The following ASS1 variants were observed in gnomAD, a reference collection of about 807,000 sequenced individuals.
ASS1 encodes argininosuccinate synthase 1.
A neutral mutation model predicts 60.5 loss-of-function variants in ASS1; 58 were observed. That is an observed-to-expected ratio of 0.96 (90% CI 0.78 to 1.19). The LOEUF (loss-of-function observed/expected upper bound fraction) is 1.19, where lower values mean the gene tolerates loss of function less well. Ranked by LOEUF, ASS1 falls within the 50% of genes most tolerant of loss-of-function variation. The probability of loss-of-function intolerance (pLI) is 0.00; values close to 1 mark genes in which losing one functional copy is unlikely to be tolerated. For missense variants in ASS1, 454 were observed against 547.3 expected, an observed-to-expected ratio of 0.83 and a Z score of 1.70; for synonymous variants, 200 against 206.9, an observed-to-expected ratio of 0.97 and a Z score of 0.29.
intron 6 of ASS1, among the ~76,000 whole-genome samples, chr9:130,468,421 T>A (rs945897232): frequency 2.4e-4 from 36 of 151,680 alleles, no homozygotes; most frequent in Non-Finnish European, 3.4e-4. Flanking sequence ...TAAAAAAAAA[T>A]TTTTTTTAGA....
rs1564160641 is a variant in ASS1 at position 130,489,696 on chromosome 9, G to A, written c.970+232G>A. On this transcript the variant is annotated intron_variant, in intron 12 of 14. Coordinates refer to ENST00000352480, the MANE Select transcript of ASS1 (RefSeq NM_054012.4). This position sits in a 1 kb window ranked among gnomAD's most constrained non-coding sequence, Gnocchi z 4.1. Reference sequence around the variant, plus strand: ...CCTGCCTTGCCATGGGGTGTGTCCAGGGAGATGCACCGGCTTCCCAAGGTG... The same window carrying A: ...CCTGCCTTGCCATGGGGTGTGTCCAAGGAGATGCACCGGCTTCCCAAGGTG... 6.6e-6 allele frequency among the ~76,000 whole-genome samples: 1 copy of A among 152,208 alleles called. No individual in the cohort carries two copies. Among genetic ancestry groups the A allele is most frequent in the Non-Finnish European group, 1.5e-5 (1 of 68,018 alleles).
intron 13 of ASS1, among the ~76,000 whole-genome samples, chr9:130,496,200 C>T (rs1425752318): frequency 1.3e-5 from 2 of 152,026 alleles, no homozygotes; most frequent in East Asian, 1.9e-4. Flanking sequence ...GCAGGAGGAT[C>T]GCTTGAGGCC....
rs1372174787 is a variant in ASS1 at position 130,470,959 on chromosome 9, G to A, written c.566+55G>A. 1.9e-6 allele frequency: 3 copies of A among 1,574,594 alleles called. No individual in the cohort carries two copies. The highest frequency in any genetic ancestry group is 2.6e-6 in the Non-Finnish European group (3 of 1,145,442). On this transcript the variant is annotated intron_variant, in intron 7 of 14. Coordinates refer to ENST00000352480, the MANE Select transcript of ASS1 (RefSeq NM_054012.4). The surrounding 1 kb of genome is among the most constrained non-coding windows in gnomAD (Gnocchi z 4.3). The stretch of plus-strand genomic sequence containing the variant: ...CCTCCCGGGCTCATTCCAAAGGACG[G>A]CCACGCGCTGCCCCAGGACGTCCTG...
chr9:130,479,258 C>T (rs917150258), intron 9 of ASS1, among the ~76,000 whole-genome samples: 5 of 151,948 alleles, frequency 3.3e-5, no homozygotes, highest in Non-Finnish European at 5.9e-5. Context: ...GCGCGGGGTC[C>T]GCCTGACAGA....
intron 11 of ASS1, among the ~76,000 whole-genome samples, chr9:130,482,736 G>T (rs1414455694): frequency 2.0e-5 from 3 of 152,192 alleles, no homozygotes; most frequent in Non-Finnish European, 4.4e-5. Context: ...CCCCGTAGAA[G>T]GTCAAAGCCA....
chr9:130,466,858 G>T, intron 6 of ASS1, 59 bp downstream of exon 6: 3 of 1,574,844 alleles, frequency 1.9e-6, no homozygotes, highest in East Asian at 4.5e-5. Context: ...TCCCGGGCAC[G>T]TCCCTGCTGG....
chr9:130,453,167 C>T (rs892779223), intron 2 of ASS1, among the ~76,000 whole-genome samples: 1 of 152,202 alleles, frequency 6.6e-6, no homozygotes, highest in Non-Finnish European at 1.5e-5. Flanking sequence ...GGAGGGCTTA[C>T]CCCCAGTAGG....
rs776838782 is a variant in ASS1 at position 130,484,666 on chromosome 9, C to T, written c.838+4217C>T. Among the ~76,000 whole-genome samples the T allele has an allele frequency of 3.4e-4, 51 of 152,088 alleles. 1 individual carries two copies. Among genetic ancestry groups the T allele is most frequent in the Middle Eastern group, 3.4e-3 (1 of 294 alleles). On this transcript the variant is annotated intron_variant, in intron 11 of 14. Coordinates refer to ENST00000352480, the MANE Select transcript of ASS1 (RefSeq NM_054012.4). ...TCTCTCTGCGCAGTGGTTTGTATGC[C>T]GACTGTCAAAAGCCCCAAATTCATA...
At chr9:130,451,936 T>C in intron 1 of ASS1, 1 of 586,106 alleles carries the variant, frequency 1.7e-6, no homozygotes, top group East Asian at 3.8e-5. Flanking sequence ...CTTCCCTCGA[T>C]GCTGGAGGAT....
chr9:130,484,277 G>A (rs1025502222), intron 11 of ASS1, among the ~76,000 whole-genome samples: 1 of 152,164 alleles, frequency 6.6e-6, no homozygotes, highest in African/African-American at 2.4e-5. Context: ...CTGAGCTGGC[G>A]GATCCCACTC....
Position 130,454,305 on chromosome 9 carries a change from G to A in ASS1, c.106G>A (p.Ala36Thr). Residue 36 changes from alanine (A) to threonine (T), a missense_variant and splice_region_variant, in exon 3 of 15, where the codon GCC (alanine) becomes ACC (threonine). Coordinates refer to ENST00000352480, the MANE Select transcript of ASS1 (RefSeq NM_054012.4). The part of the protein sequence containing the change: ...EQGYDVIAYL[A>T]NIGQKEDFEE... ...GAGCCTCTCCGCTTCTGCTTCTCAG[G>A]CCAACATTGGCCAGAAGGAAGACTT... 2 of 1,610,816 alleles carry A rather than the reference G, an allele frequency of 1.2e-6. No individual in the cohort carries two copies. Among genetic ancestry groups the A allele is most frequent in the Non-Finnish European group, 1.7e-6 (2 of 1,179,018 alleles).
intron 8 of ASS1, among the ~76,000 whole-genome samples, chr9:130,472,469 C>G (rs904069639): frequency 1.3e-5 from 2 of 152,168 alleles, no homozygotes; most frequent in African/African-American, 4.8e-5. Flanking sequence ...TGGCTCAGTT[C>G]CTAGGACACT....
At chr9:130,481,017 T>C (rs1028728627) in intron 11 of ASS1, among the ~76,000 whole-genome samples, 1 of 152,210 alleles carries the variant, frequency 6.6e-6, no homozygotes, top group African/African-American at 2.4e-5. Flanking sequence ...CAGTGTGACA[T>C]GCCTGCCACC....
chr9:130,466,830 C>T (rs1481922922), intron 6 of ASS1, 31 bp downstream of exon 6: 1 of 1,608,794 alleles, frequency 6.2e-7, no homozygotes, highest in East Asian at 2.2e-5. Context: ...CACCCCCAAC[C>T]TTTCCCTATA....
At chr9:130,452,366 C>T (rs919043101) in intron 2 of ASS1, 33 bp downstream of exon 2, 9 of 1,579,484 alleles carry the variant, frequency 5.7e-6, no homozygotes, top group Admixed American at 1.7e-5. Context: ...TGTCTTCCTG[C>T]GTGTCCTGCA....
intron 6 of ASS1, among the ~76,000 whole-genome samples, chr9:130,469,292 C>T (rs118072127): frequency 2.9e-4 from 44 of 152,210 alleles, no homozygotes; most frequent in African/African-American, 5.5e-4. Context: ...TAGAGTAGAT[C>T]GTGGGCTGTG....
Position 130,484,783 on chromosome 9 carries a change from G to A in ASS1, c.838+4334G>A, listed in dbSNP as rs928517. Among the ~76,000 whole-genome samples the A allele has an allele frequency of 3.3e-3, 492 of 149,648 alleles. 3 individuals carry two copies. The highest frequency in any genetic ancestry group is 0.012 in the African/African-American group (481 of 40,544). On this transcript the variant is annotated intron_variant, in intron 11 of 14. Transcript: ENST00000352480. Reference sequence around the variant, plus strand: ...ACCCCCTACCCCTGTGGAGAGGAGAGGGAAGAGCTTTAAACGCACACACAC... The same window carrying A: ...ACCCCCTACCCCTGTGGAGAGGAGAAGGAAGAGCTTTAAACGCACACACAC...
At chr9:130,463,313 G>T (rs1041164199) in intron 4 of ASS1, among the ~76,000 whole-genome samples, 8 of 152,236 alleles carry the variant, frequency 5.3e-5, no homozygotes, top group African/African-American at 1.7e-4. Context: ...GGATGCCTGC[G>T]CTGACCCCGG....
At chr9:130,493,483 C>G (rs1846502475) in intron 12 of ASS1, among the ~76,000 whole-genome samples, 1 of 152,168 alleles carries the variant, frequency 6.6e-6, no homozygotes, top group African/African-American at 2.4e-5. Flanking sequence ...AAGGACTCAA[C>G]CTCTACTCTC....
Sources: allele counts gnomAD v4.1 joint callset (sites outside exome capture counted in the v4.1 genomes callset), GRCh38; gene constraint gnomAD v4.1.1; non-coding constraint Gnocchi (gnomAD v3.1); transcripts MANE v1.5; gene names NCBI Gene and HGNC (gene_info 2026-07-23, HGNC 2026-07-21).